Variants in RNGTT observed in about 807,000 individuals in gnomAD.
RNGTT encodes mRNA-capping enzyme.
In RNGTT, 33 loss-of-function variants were observed where a neutral mutation model predicts 79.3. That is an observed-to-expected ratio of 0.42 (90% CI 0.32 to 0.56). RNGTT has a LOEUF of 0.56. Ranked by LOEUF, RNGTT falls within the 20% of genes least tolerant of loss-of-function variation. The probability of loss-of-function intolerance (pLI) is 0.17; values close to 1 mark genes in which losing one functional copy is unlikely to be tolerated. For synonymous variants in RNGTT, 222 were observed against 235.9 expected (o/e 0.94, Z 0.54); for missense variants, 497 against 739.1 (o/e 0.67, Z 3.80).
At chr6:88,627,101 T>G (rs1226625690) in intron 14 of RNGTT, among the ~76,000 whole-genome samples, 36 of 152,240 alleles carry the variant, frequency 2.4e-4, no homozygotes, top group Non-Finnish European at 4.4e-5. Flanking sequence ...TCTTTATAGT[T>G]ATACATACAA....
At chr6:88,682,622 G>A (rs997885867) in intron 13 of RNGTT, among the ~76,000 whole-genome samples, 25 of 151,762 alleles carry the variant, frequency 1.6e-4, no homozygotes, top group Admixed American at 4.6e-4. Flanking sequence ...TCCGGGGTAC[G>A]TGTGCAGAAT....
intron 6 of RNGTT, among the ~76,000 whole-genome samples, chr6:88,901,711 G>A (rs1783474594): frequency 6.6e-6 from 1 of 151,916 alleles, no homozygotes; most frequent in Non-Finnish European, 1.5e-5. Context: ...GTTTCACCAT[G>A]TTGTCCAGGC....
At chr6:88,942,613 C>T (rs1285356865) in intron 1 of RNGTT, among the ~76,000 whole-genome samples, 3 of 152,094 alleles carry the variant, frequency 2.0e-5, no homozygotes, top group Admixed American at 2.0e-4. Context: ...TCAAGCAATT[C>T]GCCTACCTCG....
intron 12 of RNGTT, among the ~76,000 whole-genome samples, chr6:88,795,212 TTTCAACTCTTTA>T (rs1321268100): frequency 6.6e-6 from 1 of 152,214 alleles, no homozygotes; most frequent in Non-Finnish European, 1.5e-5. Flanking sequence ...GCAACTATCT[TTTCAACTCTTTA>T]TACCCTAAAA....
At chr6:88,710,979 A>G (rs1776298743) in intron 13 of RNGTT, among the ~76,000 whole-genome samples, 1 of 152,190 alleles carries the variant, frequency 6.6e-6, no homozygotes, top group Admixed American at 6.5e-5. Context: ...TATGTTTTCA[A>G]CTATAAACCA....
At chr6:88,783,639 T>C (rs1222628204) in intron 12 of RNGTT, among the ~76,000 whole-genome samples, 1 of 152,192 alleles carries the variant, frequency 6.6e-6, no homozygotes, top group Non-Finnish European at 1.5e-5. Flanking sequence ...TATACATTTA[T>C]AAATCTATAA....
chr6:88,905,197 T>C (rs911380372), intron 5 of RNGTT, among the ~76,000 whole-genome samples: 2 of 152,082 alleles, frequency 1.3e-5, no homozygotes, highest in Non-Finnish European at 2.9e-5. Flanking sequence ...TATGAGTATA[T>C]AGTAGAGACC....
At chr6:88,639,529 C>G (rs1257988778) in intron 14 of RNGTT, among the ~76,000 whole-genome samples, 2 of 152,188 alleles carry the variant, frequency 1.3e-5, no homozygotes, top group Admixed American at 1.3e-4. Flanking sequence ...AAATCATACA[C>G]CACTCCCAAA....
chr6:88,805,957 G>A (rs901081752), intron 11 of RNGTT, among the ~76,000 whole-genome samples: 5 of 152,152 alleles, frequency 3.3e-5, no homozygotes, highest in African/African-American at 1.2e-4. Context: ...TTGGAGCACT[G>A]AAGATGTAAT....
intron 13 of RNGTT, among the ~76,000 whole-genome samples, chr6:88,690,073 T>C (rs957738572): frequency 3.9e-5 from 6 of 152,066 alleles, no homozygotes; most frequent in Admixed American, 1.3e-4. Context: ...GTCTACAAAA[T>C]AACTGACCAG....
At chr6:88,799,637 T>C (rs1357713368) in intron 12 of RNGTT, among the ~76,000 whole-genome samples, 2 of 148,508 alleles carry the variant, frequency 1.3e-5, no homozygotes, top group African/African-American at 5.0e-5. Context: ...AAGGCAGAGG[T>C]TGCAGTGAGC....
At position 88,611,543 on chromosome 6, in the gene RNGTT, C is replaced by A. The variant is rs2127843953; in HGVS notation, c.*1176G>T. On this transcript the variant is annotated 3_prime_UTR_variant, in exon 16 of 16. Coordinates refer to ENST00000369485, the MANE Select transcript of RNGTT (RefSeq NM_003800.5). ...ACAATCAATTAGCCGCCCTTTAAAT[C>A]CATTATCTATCAGTAAACATTTTAA... 6.6e-6 allele frequency: 1 copy of A among 151,626 alleles called. No individual in the cohort carries two copies. Among genetic ancestry groups the A allele is most frequent in the East Asian group, 1.9e-4 (1 of 5,170 alleles). The allele number at this position is 151,626 out of a possible 1,614,324, so 9.4% of individuals were successfully genotyped here. A position where few individuals can be genotyped will look rare whatever the true frequency, so the allele number is the denominator to read the frequency against.
chr6:88,801,523 AACAC>A (rs1562260078), intron 12 of RNGTT, 37 bp downstream of exon 12: 3 of 1,480,260 alleles, frequency 2.0e-6, no homozygotes, highest in Non-Finnish European at 2.8e-6. Flanking sequence ...CACACACACA[AACAC>A]ACAAACGAAC....
In RNGTT at chr6:88,865,570, T is replaced by C. The variant is rs1448936009; in HGVS notation, c.897-11806A>G. Among the ~76,000 whole-genome samples the C allele has an allele frequency of 2.6e-5, 4 of 152,260 alleles. 1 individual carries two copies. Among genetic ancestry groups the C allele is most frequent in the South Asian group, 4.1e-4 (2 of 4,830 alleles). Reference sequence around the variant, plus strand: ...TTTACACAAAGGCAGTCAACAACTATAGTAAAATAGTTCCTTAATTCATTT... The same window carrying C: ...TTTACACAAAGGCAGTCAACAACTACAGTAAAATAGTTCCTTAATTCATTT... On this transcript the variant is annotated intron_variant, in intron 8 of 15. Transcript: ENST00000369485.
At chr6:88,670,778 G>C (rs142897163) in intron 14 of RNGTT, among the ~76,000 whole-genome samples, 10 of 152,286 alleles carry the variant, frequency 6.6e-5, no homozygotes, top group Non-Finnish European at 7.4e-5. Flanking sequence ...AATGTATCAT[G>C]ACCCTTTCAC....
chr6:88,888,233 G>A (rs976687646), intron 8 of RNGTT, among the ~76,000 whole-genome samples: 4 of 151,962 alleles, frequency 2.6e-5, no homozygotes, highest in African/African-American at 9.7e-5. Context: ...TCATTTCGTA[G>A]TGTAAAGCCT....
At chr6:88,921,746 T>A (rs895280647) in intron 4 of RNGTT, among the ~76,000 whole-genome samples, 2 of 152,102 alleles carry the variant, frequency 1.3e-5, no homozygotes, top group Non-Finnish European at 2.9e-5. Context: ...TTGGAGTAAA[T>A]TGGCCTTCCT....
At chr6:88,890,899 T>C (rs1398161496) in intron 7 of RNGTT, among the ~76,000 whole-genome samples, 1 of 152,220 alleles carries the variant, frequency 6.6e-6, no homozygotes, top group African/African-American at 2.4e-5. Flanking sequence ...ACAAGTCTTG[T>C]ACTTCAGGAA....
chr6:88,926,199 G>A (rs1165320668), intron 4 of RNGTT, among the ~76,000 whole-genome samples: 1 of 152,042 alleles, frequency 6.6e-6, no homozygotes, highest in African/African-American at 2.4e-5. Context: ...ACACCATTTG[G>A]TGAAAAATCA....
Sources: allele counts gnomAD v4.1 joint callset (sites outside exome capture counted in the v4.1 genomes callset), GRCh38; gene constraint gnomAD v4.1.1; transcripts MANE v1.5; gene names NCBI Gene and HGNC (gene_info 2026-07-23, HGNC 2026-07-21).